Variants in RASGRF2 observed in about 807,000 individuals in gnomAD.
RASGRF2 encodes Ras protein specific guanine nucleotide releasing factor 2.
Under a neutral mutation model 151.0 loss-of-function variants are expected in RASGRF2, and 76 were observed. The observed-to-expected ratio is 0.50, with a 90% confidence interval of 0.42 to 0.61. The LOEUF is 0.61. Among genes scored for constraint, RASGRF2 ranks in the 20% least tolerant of loss-of-function variants. The probability of loss-of-function intolerance (pLI) is 0.00; values close to 1 mark genes in which losing one functional copy is unlikely to be tolerated. For missense variants in RASGRF2, 1,148 were observed against 1,564.6 expected, an observed-to-expected ratio of 0.73 and a Z score of 4.49; for synonymous variants, 504 against 566.5, an observed-to-expected ratio of 0.89 and a Z score of 1.57.
intron 19 of RASGRF2, among the ~76,000 whole-genome samples, chr5:81,204,613 TCTC>T (rs556307077): frequency 3.3e-5 from 5 of 152,086 alleles, no homozygotes; most frequent in Admixed American, 6.5e-5. Flanking sequence ...AAATACCATC[TCTC>T]CTCCTCCAAA....
chr5:81,073,500 T>A, intron 5 of RASGRF2, 48 bp downstream of exon 5: 18 of 1,548,076 alleles, frequency 1.2e-5, no homozygotes, highest in Non-Finnish European at 1.4e-5. Flanking sequence ...CCCCTTTGTA[T>A]TTCCAACAAG....
At chr5:81,038,565 T>A (rs1358124191) in intron 1 of RASGRF2, among the ~76,000 whole-genome samples, 1 of 145,948 alleles carries the variant, frequency 6.9e-6, no homozygotes, top group Non-Finnish European at 1.5e-5. Flanking sequence ...TGTAAATATT[T>A]GCTTTTTTTT....
intron 7 of RASGRF2, among the ~76,000 whole-genome samples, chr5:81,083,290 G>A (rs26418): frequency 0.17 from 24,729 of 146,688 alleles, 2,662 homozygotes; most frequent in Admixed American, 0.26. Context: ...TTTTTTTGCT[G>A]GAGGCCAACA....
At chr5:80,969,614 A>T (rs951387437) in intron 1 of RASGRF2, among the ~76,000 whole-genome samples, 1 of 148,388 alleles carries the variant, frequency 6.7e-6, no homozygotes, top group Non-Finnish European at 1.5e-5. Context: ...ACGCCCGGCT[A>T]ATTTTTTTTT....
In RASGRF2 at chr5:81,230,074, G is replaced by A. The variant is rs1756079980; in HGVS notation, c.*4304G>A. ...ATTTGTGGACATTTGTGATTGGACA[G>A]AGGGGTTTGTGCTGTGGCCTAACAC... On this transcript the variant is annotated 3_prime_UTR_variant, in exon 27 of 27. Transcript: ENST00000265080. The A allele has an allele frequency of 6.6e-6, 1 of 152,260 alleles. No homozygotes were observed. The highest frequency in any genetic ancestry group is 1.5e-5 in the Non-Finnish European group (1 of 68,044). The allele number at this position is 152,260 out of a possible 1,614,324, so 9.4% of individuals were successfully genotyped here. A position where few individuals can be genotyped will look rare whatever the true frequency, so the allele number is the denominator to read the frequency against.
intron 17 of RASGRF2, among the ~76,000 whole-genome samples, chr5:81,131,648 C>T (rs938808990): frequency 6.6e-6 from 1 of 151,588 alleles, no homozygotes; most frequent in Non-Finnish European, 1.5e-5. Flanking sequence ...AGCCACTGCG[C>T]CTGGCCTCAA....
At position 80,985,274 on chromosome 5, in the gene RASGRF2, G is replaced by A. The variant is rs535072430; in HGVS notation, c.288+24248G>A. Among the ~76,000 whole-genome samples the A allele has an allele frequency of 5.1e-4, 78 of 152,232 alleles. 1 individual carries two copies. The highest frequency in any genetic ancestry group is 1.7e-3 in the African/African-American group (72 of 41,562). ...GTTCTGAATGAAACAGATTCTGACC[G>A]TTCATACTGATTCTCTTTGATGGGG... On this transcript the variant is annotated intron_variant, in intron 1 of 26. Coordinates refer to ENST00000265080, the MANE Select transcript of RASGRF2 (RefSeq NM_006909.3).
intron 1 of RASGRF2, among the ~76,000 whole-genome samples, chr5:81,034,391 C>T (rs1242183311): frequency 5.9e-4 from 90 of 152,100 alleles, no homozygotes; most frequent in African/African-American, 2.1e-3. Flanking sequence ...GACAGTGTGG[C>T]GATTCCTCAG....
At chr5:80,978,882 C>T (rs1297499965) in intron 1 of RASGRF2, among the ~76,000 whole-genome samples, 1 of 152,122 alleles carries the variant, frequency 6.6e-6, no homozygotes, top group Non-Finnish European at 1.5e-5. Context: ...ACATTGTGAA[C>T]ATTTTGCTTG....
intron 2 of RASGRF2, among the ~76,000 whole-genome samples, chr5:81,054,697 A>T (rs1201874891): frequency 1.6e-5 from 2 of 121,528 alleles, no homozygotes; most frequent in Admixed American, 9.2e-5. Flanking sequence ...ATGGCATTGA[A>T]TGTATAAATT....
intron 17 of RASGRF2, among the ~76,000 whole-genome samples, chr5:81,149,276 A>G (rs1754075189): frequency 1.3e-5 from 2 of 152,230 alleles, no homozygotes; most frequent in East Asian, 3.9e-4. Flanking sequence ...GTATATATGC[A>G]CCATGGAAAA....
chr5:80,978,703 C>T (rs781127968), intron 1 of RASGRF2, among the ~76,000 whole-genome samples: 1 of 151,944 alleles, frequency 6.6e-6, no homozygotes, highest in African/African-American at 2.4e-5. Context: ...GGGAGAATCA[C>T]GTGAACCCAG....
chr5:81,216,522 TAATAATAGC>T lies in RASGRF2; in HGVS notation c.3434+579_3434+587del, dbSNP rs201318573. ...AAAGCAAGACTAAGACTAATAATAA[TAATAATAGC>T]AATAATAGCAACAACAGCAATAATA... On this transcript the variant is annotated intron_variant, in intron 24 of 26. Transcript: ENST00000265080. 9.6e-3 allele frequency among the ~76,000 whole-genome samples: 1,456 copies of T among 152,182 alleles called. 10 individuals carry two copies. Among genetic ancestry groups the T allele is most frequent in the African/African-American group, 0.015 (626 of 41,512 alleles).
intron 5 of RASGRF2, 138 bp from the exon 6 acceptor site, chr5:81,079,983 A>T: frequency 8.9e-7 from 1 of 1,118,332 alleles, no homozygotes; most frequent in Non-Finnish European, 1.2e-6. Flanking sequence ...AATATAATCC[A>T]TGTTATTATT....
chr5:81,169,485 G>A (rs1754594195), intron 17 of RASGRF2, among the ~76,000 whole-genome samples: 1 of 152,132 alleles, frequency 6.6e-6, no homozygotes. Context: ...TCCCCAGCTG[G>A]TGGCATCATG....
At chr5:80,990,583 T>C (rs975853953) in intron 1 of RASGRF2, among the ~76,000 whole-genome samples, 5 of 152,190 alleles carry the variant, frequency 3.3e-5, no homozygotes, top group Non-Finnish European at 7.3e-5. Context: ...AGCCCTGTTA[T>C]GTTGAGCAGG....
intron 17 of RASGRF2, among the ~76,000 whole-genome samples, chr5:81,143,667 G>A (rs191739854): frequency 4.6e-5 from 7 of 151,802 alleles, no homozygotes; most frequent in Non-Finnish European, 7.4e-5. Context: ...CGAGGCGGGC[G>A]GATCATGAAG....
intron 3 of RASGRF2, among the ~76,000 whole-genome samples, chr5:81,068,790 C>T (rs1375754543): frequency 1.3e-5 from 2 of 152,074 alleles, no homozygotes; most frequent in African/African-American, 2.4e-5. Context: ...GAGCAGAAGG[C>T]GGTTTTAGAG....
At chr5:81,014,878 AT>A (rs1749578618) in intron 1 of RASGRF2, among the ~76,000 whole-genome samples, 1 of 152,122 alleles carries the variant, frequency 6.6e-6, no homozygotes, top group Admixed American at 6.5e-5. Flanking sequence ...ATTTCCAAAT[AT>A]TTTATTGGTA....
Sources: allele counts gnomAD v4.1 joint callset (sites outside exome capture counted in the v4.1 genomes callset), GRCh38; gene constraint gnomAD v4.1.1; transcripts MANE v1.5; gene names NCBI Gene and HGNC (gene_info 2026-07-23, HGNC 2026-07-21).